Variants in ESR1 observed in about 807,000 individuals in gnomAD.
ESR1 encodes estrogen receptor 1, also known as estrogen receptor.
In ESR1, 12 loss-of-function variants were observed where a neutral mutation model predicts 52.7. The ratio of observed to expected loss-of-function variants is 0.23; its 90% CI spans 0.15 to 0.37. The LOEUF (loss-of-function observed/expected upper bound fraction) is 0.37. ESR1 is among the 10% of genes least tolerant of loss of function. ESR1 has a pLI of 1.00. For synonymous variants in ESR1, 305 were observed against 316.8 expected, an observed-to-expected ratio of 0.96 and a Z score of 0.39; for missense variants, 584 against 779.7, an observed-to-expected ratio of 0.75 and a Z score of 2.99.
chr6:151,675,908 G>A (rs1011712336), intron 1 of ESR1, among the ~76,000 whole-genome samples: 1 of 152,224 alleles, frequency 6.6e-6, no homozygotes, highest in Non-Finnish European at 1.5e-5. Context: ...CTATGGACCA[G>A]GTGGGGGCAG....
chr6:152,022,369 A>C (rs956130546), intron 5 of ESR1, among the ~76,000 whole-genome samples: 2 of 152,164 alleles, frequency 1.3e-5, no homozygotes, highest in African/African-American at 4.8e-5. Flanking sequence ...TTCCTCATAC[A>C]TGTTGGGTTT....
At chr6:151,922,376 T>C (rs2031870982) in intron 3 of ESR1, among the ~76,000 whole-genome samples, 1 of 152,178 alleles carries the variant, frequency 6.6e-6, no homozygotes, top group South Asian at 2.1e-4. Context: ...GCTCTACCTC[T>C]TTAAGGGTGG....
At position 151,851,790 on chromosome 6, in the gene ESR1, A is replaced by G. The variant is rs191914289; in HGVS notation, c.643+9003A>G. Among the ~76,000 whole-genome samples, 1,399 of 152,306 alleles carry G rather than the reference A, an allele frequency of 9.2e-3. 24 individuals carry two copies. The highest frequency in any genetic ancestry group is 0.033 in the African/African-American group (1,353 of 41,560). ...TGATCTACCCGCCTTGGCCTCCCAA[A>G]GTGCTGGGATTACAGGCGTGAGCCG... On this transcript the variant is annotated intron_variant, in intron 2 of 7. Coordinates refer to ENST00000206249, the MANE Select transcript of ESR1 (RefSeq NM_000125.4).
intron 4 of ESR1, among the ~76,000 whole-genome samples, chr6:152,011,345 T>C (rs1250543243): frequency 6.6e-6 from 1 of 152,136 alleles, no homozygotes. Context: ...ATTATAGCTG[T>C]CTAAGTAGAA....
intron 1 of ESR1, among the ~76,000 whole-genome samples, chr6:151,662,011 G>T (rs949012498): frequency 1.3e-5 from 2 of 152,218 alleles, no homozygotes; most frequent in African/African-American, 4.8e-5. Flanking sequence ...CACACAGCAG[G>T]GTCCTGGTGT....
At chr6:151,905,731 T>C (rs1429069690) in intron 3 of ESR1, among the ~76,000 whole-genome samples, 2 of 152,168 alleles carry the variant, frequency 1.3e-5, no homozygotes, top group African/African-American at 2.4e-5. Context: ...AGGAAAAATA[T>C]AGAAATATAA....
Position 151,657,385 on chromosome 6 carries a change from TGTTAA to T in ESR1, n.73+628_73+632del, listed in dbSNP as rs1281498058. Among the ~76,000 whole-genome samples, 3 of 152,188 alleles carry T rather than the reference TGTTAA, an allele frequency of 2.0e-5. No homozygotes were observed. The East Asian group carries it at 5.8e-4, about 29-fold the overall frequency. On this transcript the variant is annotated intron_variant and non_coding_transcript_variant, in intron 1 of 2. Coordinates refer to the ESR1 transcript ENST00000473497. ...TACATTATAATAGTTTTCAATCTATTGTTAAGTTAAATATTTTGGGTAACAATTGT... is the reference window on the plus strand; with the variant it reads ...TACATTATAATAGTTTTCAATCTATTGTTAAATATTTTGGGTAACAATTGT...
At chr6:151,740,819 T>C (rs1207839604) in intron 2 of ESR1, among the ~76,000 whole-genome samples, 2 of 152,204 alleles carry the variant, frequency 1.3e-5, no homozygotes, top group South Asian at 2.1e-4. Context: ...CATTTCTACC[T>C]CTTCTCCTTA....
intron 2 of ESR1, among the ~76,000 whole-genome samples, chr6:151,717,269 A>C (rs970483373): frequency 3.9e-5 from 6 of 152,140 alleles, no homozygotes; most frequent in Non-Finnish European, 7.3e-5. Context: ...CGTTAATCTC[A>C]CTGGGAGCTG....
At chr6:151,751,915 G>A (rs564270939) in intron 2 of ESR1, among the ~76,000 whole-genome samples, 8 of 152,264 alleles carry the variant, frequency 5.3e-5, no homozygotes, top group Non-Finnish European at 7.4e-5. Context: ...ATACATTACC[G>A]AAATATTTTA....
Position 151,710,902 on chromosome 6 carries a change from A to G in ESR1, c.-71+8897A>G, listed in dbSNP as rs575803336. 3.3e-5 allele frequency among the ~76,000 whole-genome samples: 5 copies of G among 152,312 alleles called. No homozygotes were observed. The South Asian group carries it at 1.0e-3, about 32-fold the overall frequency. ...AACTCATCCTTTTTAATGGCTGCAT[A>G]GTATTCCATGGTGTATATGTGCCAC... On this transcript the variant is annotated intron_variant, in intron 2 of 2. Transcript: ENST00000404742.
chr6:151,959,613 G>T (rs1021702090), intron 4 of ESR1, among the ~76,000 whole-genome samples: 2 of 152,118 alleles, frequency 1.3e-5, no homozygotes, highest in African/African-American at 4.8e-5. Context: ...AGCCAAGCTG[G>T]GGGTCTTTCT....
chr6:152,114,936 A>G (rs1208985447), intron 6 of ESR1, among the ~76,000 whole-genome samples: 2 of 149,172 alleles, frequency 1.3e-5, no homozygotes, highest in African/African-American at 2.5e-5. Context: ...ATGTTTCCTC[A>G]TATAAGAACT....
rs34402963 is a variant in ESR1 at position 151,753,319 on chromosome 6, ATTTTTTT to A, written c.-71+51326_-71+51332del. 6.9e-3 allele frequency among the ~76,000 whole-genome samples: 948 copies of A among 137,378 alleles called. 4 individuals are homozygous for A. The highest frequency in any genetic ancestry group is 0.011 in the Non-Finnish European group (699 of 63,174). 90.1% of individuals were successfully genotyped at this position (137,378 alleles called of 152,430 possible). ...TTCTCAAAATGGGTTATTTGATTGC[ATTTTTTT>A]TTTTTTTTTTTGAGACAAGGTCTGA... On this transcript the variant is annotated intron_variant, in intron 2 of 2. Coordinates refer to the ESR1 transcript ENST00000404742.
chr6:151,701,203 G>A (rs1779750992), intron 1 of ESR1, among the ~76,000 whole-genome samples: 1 of 135,370 alleles, frequency 7.4e-6, no homozygotes, highest in East Asian at 2.0e-4. Context: ...AGATACTGTG[G>A]GCTGGGAGTT....
At chr6:151,818,454 T>C (rs1158131650) in intron 1 of ESR1, among the ~76,000 whole-genome samples, 1 of 152,192 alleles carries the variant, frequency 6.6e-6, no homozygotes, top group Non-Finnish European at 1.5e-5. Flanking sequence ...CCAATGTTGC[T>C]TTTCTATCAA....
At chr6:151,817,169 T>G in intron 1 of ESR1, among the ~76,000 whole-genome samples, 1 of 152,168 alleles carries the variant, frequency 6.6e-6, no homozygotes, top group East Asian at 1.9e-4. Flanking sequence ...AAATCAAGGA[T>G]TATTTCAGAA....
At chr6:151,792,449 T>A (rs958523214) in intron 2 of ESR1, among the ~76,000 whole-genome samples, 17 of 151,020 alleles carry the variant, frequency 1.1e-4, no homozygotes, top group Non-Finnish European at 2.5e-4. Flanking sequence ...AAACTTTAAT[T>A]TTTTTTTAGA....
rs147867792 is a variant in ESR1 at position 151,759,387 on chromosome 6, C to A, written c.-70-48456C>A. Among the ~76,000 whole-genome samples the A allele has an allele frequency of 9.1e-3, 1,377 of 151,840 alleles. 29 individuals carry two copies. The highest frequency in any genetic ancestry group is 7.9e-3 in the Non-Finnish European group (540 of 67,974). On this transcript the variant is annotated intron_variant, in intron 2 of 2. Coordinates refer to the ESR1 transcript ENST00000404742. ...TAAAATTATGTTTATAAATTAGAGG[C>A]TCTTCATTGGGAGATATACTTAATG...
Sources: gnomAD v4.1 joint callset for allele counts (sites outside exome capture counted in the v4.1 genomes callset) on GRCh38, gnomAD v4.1.1 for gene constraint, MANE v1.5 for transcripts, NCBI Gene and HGNC (gene_info 2026-07-23, HGNC 2026-07-21) for gene names.